FBRSL1: variants seen among roughly 807,000 people sequenced by gnomAD.
The protein encoded by FBRSL1 is fibrosin-1-like protein.
A neutral mutation model predicts 89.6 loss-of-function variants in FBRSL1; 51 were observed. That is an observed-to-expected ratio of 0.57 (90% confidence interval 0.45 to 0.72). The LOEUF (loss-of-function observed/expected upper bound fraction) is 0.72, where lower values mean the gene tolerates loss of function less well. Among genes scored for constraint, FBRSL1 ranks in the 30% least tolerant of loss-of-function variants. The pLI, the probability that FBRSL1 is intolerant of heterozygous loss-of-function variation, is 0.00. For missense variants in FBRSL1, 1,618 were observed against 1,451.8 expected (o/e 1.11, Z -1.86); for synonymous variants, 779 against 681.1 (o/e 1.14, Z -2.24).
intron 14 of FBRSL1, 59 bp from the exon 15 acceptor site, chr12:132,576,740 C>A: frequency 6.6e-7 from 1 of 1,514,220 alleles, no homozygotes; most frequent in Non-Finnish European, 8.9e-7. Flanking sequence ...CAGGCCTGGG[C>A]TCCCTGTGTT....
Position 132,524,288 on chromosome 12 carries a change from G to A in FBRSL1, c.490-1446G>A, listed in dbSNP as rs542936194. ...CCGCCCAGTAAGGCTCAGACTCCTC[G>A]GGGCTGCATCCCTGCCCGGCCAGGG... On this transcript the variant is annotated intron_variant, in intron 2 of 18. Transcript: ENST00000680143. 4.0e-3 allele frequency among the ~76,000 whole-genome samples: 605 copies of A among 152,360 alleles called. 1 individual carries two copies. Among genetic ancestry groups the A allele is most frequent in the Non-Finnish European group, 6.6e-3 (448 of 68,022 alleles).
intron 4 of FBRSL1, among the ~76,000 whole-genome samples, chr12:132,545,293 C>T (rs2037596595): frequency 6.6e-6 from 1 of 152,248 alleles, no homozygotes; most frequent in South Asian, 2.1e-4. Context: ...CGTGAATGGT[C>T]GCCTCACTCG....
chr12:132,578,980 C>A (rs2040566873), intron 15 of FBRSL1, among the ~76,000 whole-genome samples: 1 of 152,210 alleles, frequency 6.6e-6, no homozygotes, highest in South Asian at 2.1e-4. Flanking sequence ...GCCCCCCGGA[C>A]ACGTGCTCAG....
intron 15 of FBRSL1, among the ~76,000 whole-genome samples, chr12:132,579,166 C>T (rs1209292476): frequency 1.3e-5 from 2 of 152,240 alleles, no homozygotes; most frequent in Non-Finnish European, 2.9e-5. Context: ...ATCTCCTTGG[C>T]AGGTCTTGAT....
At position 132,508,202 on chromosome 12, in the gene FBRSL1, G is replaced by C. The variant is rs1263791338; in HGVS notation, c.341G>C (p.Arg114Pro). The C allele has an allele frequency of 6.4e-7, 1 of 1,551,088 alleles. No homozygotes were observed. Among genetic ancestry groups the C allele is most frequent in the Non-Finnish European group, 8.7e-7 (1 of 1,146,952 alleles). The change falls in exon 2 of 19, where the codon CGT becomes CCT. Residue 114 changes from arginine to proline, a missense_variant. By Grantham distance (103) the Arg-to-Pro change is moderately radical. Transcript: ENST00000680143. ...GAGCGGAAGGAGAAGTGGGAGCGTC[G>C]TCTCATCAAGAAGCCCCGGGAGTCG... ...PHERKEKWER[R>P]LIKKPRESET...
chr12:132,515,031 G>T (rs555449477), intron 2 of FBRSL1, among the ~76,000 whole-genome samples: 2 of 152,266 alleles, frequency 1.3e-5, no homozygotes, highest in East Asian at 3.9e-4. Context: ...GCTGACAGCA[G>T]GGAGGTGTGG....
rs1435348907 is a variant in FBRSL1 at position 132,546,441 on chromosome 12, C to G, written c.616-1562C>G. On this transcript the variant is annotated intron_variant, in intron 4 of 18. Transcript: ENST00000680143. This position sits in a 1 kb window ranked among gnomAD's most constrained non-coding sequence, Gnocchi z 4.0. ...AGGTGGGACTGAGGCCCTTCTCTAC[C>G]TCTCACCCTGAAGGCCAGACCGGGG... Among the ~76,000 whole-genome samples the G allele has an allele frequency of 1.3e-5, 2 of 152,214 alleles. No homozygotes were observed. The highest frequency in any genetic ancestry group is 4.8e-5 in the African/African-American group (2 of 41,466).
At chr12:132,531,236 C>A (rs1289798082) in intron 4 of FBRSL1, among the ~76,000 whole-genome samples, 1 of 149,408 alleles carries the variant, frequency 6.7e-6, no homozygotes. Flanking sequence ...GACCCAGGAG[C>A]AGGCGAGGGG....
chr12:132,568,506 G>T (rs2039786453), intron 6 of FBRSL1, among the ~76,000 whole-genome samples: 1 of 152,270 alleles, frequency 6.6e-6, no homozygotes, highest in South Asian at 2.1e-4. Context: ...GTGTCACGCG[G>T]GGCTGCTGAA....
chr12:132,508,320 G>A lies in FBRSL1; in HGVS notation c.459G>A (p.Ala153=), dbSNP rs546672016. Residue 153 remains alanine, a synonymous_variant, in exon 2 of 19, where the codon GCG becomes GCA. Transcript: ENST00000680143. ...ACCTCGAACCCGCCTGCGATGGGGC[G>A]AGAAAGGTCCCACTGCAGCCCTCCA... ...GQDLEPACDG[A]RKVPLQPSKQ... is the part of the protein sequence containing the mutation. 20 of 1,542,722 alleles carry A rather than the reference G, an allele frequency of 1.3e-5. No individual in the cohort carries two copies. The highest frequency in any genetic ancestry group is 4.0e-4 in the Middle Eastern group (2 of 5,048).
At chr12:132,528,763 G>T (rs2036015176) in intron 4 of FBRSL1, among the ~76,000 whole-genome samples, 1 of 151,786 alleles carries the variant, frequency 6.6e-6, no homozygotes, top group South Asian at 2.1e-4. Flanking sequence ...GTGTTTCAGG[G>T]TGTGCCCGGG....
chr12:132,575,622 A>C (rs1348920170), intron 14 of FBRSL1, among the ~76,000 whole-genome samples: 1 of 152,206 alleles, frequency 6.6e-6, no homozygotes, highest in Non-Finnish European at 1.5e-5. Flanking sequence ...CGTCCACGGC[A>C]GAGTCGGGAG....
chr12:132,548,843 G>C (rs921585701), intron 5 of FBRSL1, among the ~76,000 whole-genome samples: 1 of 152,224 alleles, frequency 6.6e-6, no homozygotes, highest in South Asian at 2.1e-4. Context: ...CCTCAGGGAC[G>C]GCCCTGCAGA....
At chr12:132,581,658 C>T (rs1419456979) in intron 16 of FBRSL1, 83 bp from the exon 17 acceptor site, 45 of 1,495,468 alleles carry the variant, frequency 3.0e-5, no homozygotes, top group Non-Finnish European at 3.8e-5. Context: ...AGGCCCAAAG[C>T]CTCTACAGCA....
intron 1 of FBRSL1, among the ~76,000 whole-genome samples, chr12:132,504,258 T>C (rs1254609089): frequency 6.6e-6 from 1 of 152,192 alleles, no homozygotes; most frequent in Non-Finnish European, 1.5e-5. Flanking sequence ...AGCAGGGCTC[T>C]GTGTGTGCTG....
intron 14 of FBRSL1, 133 bp from the exon 15 acceptor site, chr12:132,576,666 C>A: frequency 9.5e-7 from 1 of 1,047,362 alleles, no homozygotes; most frequent in South Asian, 1.8e-5. Flanking sequence ...GAGAATACAC[C>A]CTTGAAATCC....
intron 5 of FBRSL1, among the ~76,000 whole-genome samples, chr12:132,548,901 G>T (rs1391898526): frequency 6.6e-6 from 1 of 152,220 alleles, no homozygotes; most frequent in African/African-American, 2.4e-5. Flanking sequence ...CCTGAGCCAG[G>T]GAGACGCTGC....
chr12:132,547,432 A>G (rs2037789296), intron 4 of FBRSL1, among the ~76,000 whole-genome samples: 1 of 152,088 alleles, frequency 6.6e-6, no homozygotes, highest in African/African-American at 2.4e-5. Context: ...CGAGTGTCTA[A>G]CCCTGAGCGG....
rs963680128 is a variant in FBRSL1 at position 132,570,478 on chromosome 12, C to T, written c.1151C>T (p.Pro384Leu). 16 of 1,530,738 alleles carry T rather than the reference C, an allele frequency of 1.0e-5. No individual in the cohort carries two copies. Among genetic ancestry groups the T allele is most frequent in the African/African-American group, 6.9e-5 (5 of 72,274 alleles). 94.8% of individuals were successfully genotyped at this position (1,530,738 alleles called of 1,614,324 possible). The change falls in exon 8 of 19, where the codon CCG (proline) becomes CTG (leucine). Residue 384 changes from proline (P) to leucine (L), a missense_variant. Transcript: ENST00000680143. ...QLHAAMFAAPPTLPPPPALPA... is the reference protein window; with the variant it reads ...QLHAAMFAAPLTLPPPPALPA... ...CACGCGGCCATGTTTGCCGCACCCC[C>T]GACACTGCCCCCGCCCCCGGCGCTG...
Sources: allele counts gnomAD v4.1 joint callset (sites outside exome capture counted in the v4.1 genomes callset), GRCh38; gene constraint gnomAD v4.1.1; non-coding constraint Gnocchi (gnomAD v3.1); transcripts MANE v1.5; gene names NCBI Gene and HGNC (gene_info 2026-07-23, HGNC 2026-07-21).